Variants in USP15 observed in about 807,000 individuals in gnomAD.
The protein encoded by USP15 is ubiquitin carboxyl-terminal hydrolase 15.
Under a neutral mutation model 127.1 loss-of-function variants are expected in USP15, and 18 were observed. The observed-to-expected ratio is 0.14, with a 90% confidence interval of 0.10 to 0.21. The LOEUF (loss-of-function observed/expected upper bound fraction) is 0.21. USP15 is among the 10% of genes least tolerant of loss of function. The pLI, the probability that USP15 is intolerant of heterozygous loss-of-function variation, is 1.00. For missense variants in USP15, 805 were observed against 1,159.9 expected, an observed-to-expected ratio of 0.69 and a Z score of 4.44; for synonymous variants, 364 against 393.7, an observed-to-expected ratio of 0.92 and a Z score of 0.89.
intron 6 of USP15, among the ~76,000 whole-genome samples, chr12:62,342,401 A>G (rs539973958): frequency 6.6e-6 from 1 of 151,800 alleles, no homozygotes; most frequent in Admixed American, 6.6e-5. Context: ...ACCTTCTGAA[A>G]TCTTTTGTTA....
chr12:62,404,506 T>G lies in USP15; in HGVS notation c.*131T>G. The G allele has an allele frequency of 7.5e-7, 1 of 1,329,446 alleles. No individual in the cohort carries two copies. The highest frequency in any genetic ancestry group is 9.9e-7 in the Non-Finnish European group (1 of 1,015,220). 82.4% of individuals were successfully genotyped at this position (1,329,446 alleles called of 1,614,324 possible). A position where few individuals can be genotyped will look rare whatever the true frequency, so the allele number is the denominator to read the frequency against. On this transcript the variant is annotated 3_prime_UTR_variant, in exon 22 of 22. Transcript: ENST00000280377. The stretch of plus-strand genomic sequence containing the variant: ...CAGATAACCGAATGTAAATCCTTTA[T>G]CAGATTTTAACTTGTGCAGTACTTG...
intron 9 of USP15, among the ~76,000 whole-genome samples, chr12:62,382,507 C>G (rs2067021406): frequency 6.6e-6 from 1 of 151,912 alleles, no homozygotes; most frequent in Non-Finnish European, 1.5e-5. Flanking sequence ...CCTTAACATT[C>G]TAAACTTTGG....
chr12:62,392,724 T>A (rs1027323948), intron 18 of USP15, among the ~76,000 whole-genome samples: 10 of 152,132 alleles, frequency 6.6e-5, no homozygotes, highest in Non-Finnish European at 1.3e-4. Context: ...TGTTATTCCA[T>A]TAGAGCCCAG....
chr12:62,277,248 A>G (rs2063519817), intron 1 of USP15, among the ~76,000 whole-genome samples: 1 of 152,130 alleles, frequency 6.6e-6, no homozygotes, highest in South Asian at 2.1e-4. Context: ...CATGTTTATT[A>G]TGGTATTTAT....
chr12:62,277,143 A>G (rs2063516400), intron 1 of USP15, among the ~76,000 whole-genome samples: 2 of 152,162 alleles, frequency 1.3e-5, no homozygotes, highest in Admixed American at 6.6e-5. Flanking sequence ...CAGATTTTGG[A>G]TAACCCTCCT....
rs1392135813 is a variant in USP15 at position 62,406,588 on chromosome 12, A to G, written c.*2213A>G. The stretch of plus-strand genomic sequence containing the variant: ...TGTTAATAATGCCATTGAAACTGCC[A>G]AACTCAAATGTCATTTTTCAGCTGC... On this transcript the variant is annotated 3_prime_UTR_variant, in exon 22 of 22. Coordinates refer to ENST00000280377, the MANE Select transcript of USP15 (RefSeq NM_001252078.2). The G allele has an allele frequency of 1.3e-5, 2 of 152,180 alleles. No homozygotes were observed. The highest frequency in any genetic ancestry group is 4.8e-5 in the African/African-American group (2 of 41,432). 9.4% of individuals were successfully genotyped at this position (152,180 alleles called of 1,614,324 possible).
At chr12:62,346,146 C>T (rs961888972) in intron 6 of USP15, among the ~76,000 whole-genome samples, 5 of 152,212 alleles carry the variant, frequency 3.3e-5, no homozygotes, top group Non-Finnish European at 7.3e-5. Context: ...CAAGCTTTTC[C>T]TCATGACAGC....
chr12:62,379,533 A>T (rs2066927197), intron 8 of USP15, among the ~76,000 whole-genome samples: 1 of 152,158 alleles, frequency 6.6e-6, no homozygotes, highest in Non-Finnish European at 1.5e-5. Context: ...ATAAGAGTAT[A>T]TGTGAATAAT....
chr12:62,265,537 C>T (rs1246477550), intron 1 of USP15, among the ~76,000 whole-genome samples: 1 of 152,106 alleles, frequency 6.6e-6, no homozygotes, highest in Non-Finnish European at 1.5e-5. Flanking sequence ...CACATTGCCT[C>T]TGATTTTATT....
intron 19 of USP15, among the ~76,000 whole-genome samples, chr12:62,394,615 C>T (rs920774551): frequency 6.6e-6 from 1 of 152,008 alleles, no homozygotes; most frequent in East Asian, 1.9e-4. Flanking sequence ...TTTGGGAGGC[C>T]GAGGTGGGTG....
chr12:62,332,206 A>T (rs147670386), intron 6 of USP15, among the ~76,000 whole-genome samples: 90 of 151,542 alleles, frequency 5.9e-4, no homozygotes, highest in African/African-American at 2.1e-3. Flanking sequence ...GAATTTTTCT[A>T]CTAGATATCA....
intron 7 of USP15, among the ~76,000 whole-genome samples, 158 bp downstream of exon 7, chr12:62,349,465 A>C (rs947135827): frequency 2.0e-5 from 3 of 152,090 alleles, no homozygotes; most frequent in Admixed American, 2.0e-4. Context: ...ACAACAAAAA[A>C]GAAAGCAATT....
intron 1 of USP15, among the ~76,000 whole-genome samples, chr12:62,264,625 A>G (rs554873734): frequency 6.6e-6 from 1 of 152,372 alleles, no homozygotes; most frequent in East Asian, 1.9e-4. Context: ...GACAAGAGAC[A>G]TTGATTTCAG....
intron 8 of USP15, chr12:62,374,333 C>G: frequency 2.1e-6 from 2 of 960,472 alleles, no homozygotes; most frequent in African/African-American, 3.5e-5. Context: ...GAATGAGTTA[C>G]ACAACTCAAA....
rs960041979 is a variant in USP15 at position 62,393,209 on chromosome 12, T to A, written c.2570+7T>A. On this transcript the variant is annotated splice_region_variant and intron_variant, in intron 19 of 21. Coordinates refer to ENST00000280377, the MANE Select transcript of USP15 (RefSeq NM_001252078.2). ...TAGTTGATTTTCCTATCAAGTAAGCTTTAATTGTACTTTATAAGCATTGGG... is the reference window on the plus strand; with the variant it reads ...TAGTTGATTTTCCTATCAAGTAAGCATTAATTGTACTTTATAAGCATTGGG... 2.5e-6 allele frequency: 4 copies of A among 1,611,416 alleles called. No homozygotes were observed. Among genetic ancestry groups the A allele is most frequent in the Non-Finnish European group, 2.5e-6 (3 of 1,178,712 alleles).
chr12:62,304,420 C>T (rs1026273813), intron 3 of USP15, among the ~76,000 whole-genome samples: 1 of 152,236 alleles, frequency 6.6e-6, no homozygotes, highest in South Asian at 2.1e-4. Context: ...ATTAAATCTG[C>T]AGTAAAATTT....
chr12:62,288,969 A>T (rs954208310), intron 1 of USP15, among the ~76,000 whole-genome samples: 2 of 151,998 alleles, frequency 1.3e-5, no homozygotes, highest in African/African-American at 4.8e-5. Flanking sequence ...ATCTTTTCGA[A>T]TGCTGTTGTA....
chr12:62,350,172 T>C (rs1021848096), intron 7 of USP15, among the ~76,000 whole-genome samples: 1 of 151,960 alleles, frequency 6.6e-6, no homozygotes, highest in African/African-American at 2.4e-5. Context: ...TTAGATTTTT[T>C]TCAGTTTCTA....
intron 3 of USP15, chr12:62,304,705 C>G (rs1317736432): frequency 8.8e-6 from 4 of 452,522 alleles, no homozygotes; most frequent in South Asian, 6.2e-5. Context: ...GAAAAGAAAG[C>G]AAGGATATAA....
Sources: allele counts gnomAD v4.1 joint callset (sites outside exome capture counted in the v4.1 genomes callset), GRCh38; gene constraint gnomAD v4.1.1; transcripts MANE v1.5; gene names NCBI Gene and HGNC (gene_info 2026-07-23, HGNC 2026-07-21).